RARB: variants seen among roughly 807,000 people sequenced by gnomAD.
RARB encodes the protein retinoic acid receptor beta.
A neutral mutation model predicts 51.9 loss-of-function variants in RARB; 17 were observed. That is an observed-to-expected ratio of 0.33 (90% CI 0.22 to 0.49). The LOEUF is 0.49. Ranked by LOEUF, RARB falls within the 20% of genes least tolerant of loss-of-function variation. The probability of loss-of-function intolerance (pLI) is 0.99; values close to 1 mark genes in which losing one functional copy is unlikely to be tolerated. For missense variants in RARB, 369 were observed against 550.8 expected (o/e 0.67, Z 3.30); for synonymous variants, 215 against 195.4 (o/e 1.10, Z -0.84).
At chr3:25,159,468 C>T (rs573446702) in intron 4 of RARB, among the ~76,000 whole-genome samples, 3 of 151,940 alleles carry the variant, frequency 2.0e-5, no homozygotes, top group Non-Finnish European at 2.9e-5. Context: ...CGTGAGCCAC[C>T]GTGCCCAACC....
chr3:25,094,069 G>A (rs187528836), intron 3 of RARB, among the ~76,000 whole-genome samples: 68 of 152,304 alleles, frequency 4.5e-4, no homozygotes, highest in African/African-American at 1.5e-3. Flanking sequence ...TCCAGACCCA[G>A]AGAAAATGAT....
At position 25,422,400 on chromosome 3, in the gene RARB, G is replaced by C. The variant is rs144568106; in HGVS notation, c.179-38793G>C. Among the ~76,000 whole-genome samples the C allele has an allele frequency of 9.9e-3, 1,514 of 152,286 alleles. 60 individuals are homozygous for C. The highest frequency in any genetic ancestry group is 0.075 in the East Asian group (386 of 5,174). ...AATTCACGTGGAATAGCATAGGGAA[G>C]TCACAGGCAAGCTGCAGCATGGTAG... is the stretch of plus-strand genomic sequence containing the variant. On this transcript the variant is annotated intron_variant, in intron 5 of 11. Transcript: ENST00000383772.
intron 4 of RARB, among the ~76,000 whole-genome samples, chr3:25,164,901 A>G (rs1041079829): frequency 6.6e-5 from 10 of 152,276 alleles, no homozygotes; most frequent in Admixed American, 3.3e-4. Context: ...TCATTCATGA[A>G]TGAACACTTC....
chr3:25,196,283 A>G lies in RARB; in HGVS notation c.178+21708A>G, dbSNP rs564396020. Among the ~76,000 whole-genome samples the G allele has an allele frequency of 3.2e-3, 488 of 150,742 alleles. 4 individuals are homozygous for G. The highest frequency in any genetic ancestry group is 0.011 in the African/African-American group (457 of 41,016). Reference sequence around the variant, plus strand: ...CCCCTTCCTGTGTCCAAGTGTTCTCATGGTTCAGTTCCCACCTATGAGTGA... The same window carrying G: ...CCCCTTCCTGTGTCCAAGTGTTCTCGTGGTTCAGTTCCCACCTATGAGTGA... On this transcript the variant is annotated intron_variant, in intron 5 of 11. Coordinates refer to the RARB transcript ENST00000383772.
chr3:25,540,633 C>A (rs998505608), intron 3 of RARB, among the ~76,000 whole-genome samples: 1 of 152,172 alleles, frequency 6.6e-6, no homozygotes, highest in Non-Finnish European at 1.5e-5. Flanking sequence ...ATGGTCACAG[C>A]GTCCTATAAC....
At chr3:25,173,547 C>G (rs1398953280) in intron 4 of RARB, among the ~76,000 whole-genome samples, 2 of 152,122 alleles carry the variant, frequency 1.3e-5, no homozygotes, top group Non-Finnish European at 2.9e-5. Context: ...ATTATCTTGG[C>G]TATGTCACTC....
At chr3:25,240,357 G>A (rs1029957865) in intron 5 of RARB, among the ~76,000 whole-genome samples, 3 of 152,040 alleles carry the variant, frequency 2.0e-5, no homozygotes, top group African/African-American at 7.2e-5. Flanking sequence ...AGGACTTCCA[G>A]TACTATGTTG....
chr3:25,000,352 T>C (rs1248538574), intron 2 of RARB, among the ~76,000 whole-genome samples: 1 of 152,174 alleles, frequency 6.6e-6, no homozygotes, highest in Admixed American at 6.5e-5. Flanking sequence ...AGTAATACCA[T>C]GACCACTACC....
intron 1 of RARB, among the ~76,000 whole-genome samples, chr3:24,843,531 C>G (rs747822136): frequency 6.6e-6 from 1 of 152,068 alleles, no homozygotes; most frequent in Admixed American, 6.6e-5. Context: ...AAGTGAGTTC[C>G]ACACACTCAT....
At chr3:24,986,526 G>A (rs1275222070) in intron 2 of RARB, among the ~76,000 whole-genome samples, 1 of 152,160 alleles carries the variant, frequency 6.6e-6, no homozygotes, top group Admixed American at 6.5e-5. Context: ...AATGGGTTTT[G>A]TGGTTTTAGT....
intron 5 of RARB, among the ~76,000 whole-genome samples, chr3:25,387,796 G>T (rs992171464): frequency 6.6e-6 from 1 of 151,202 alleles, no homozygotes; most frequent in East Asian, 1.9e-4. Flanking sequence ...AGCAGCTTTT[G>T]TGTTTTATGT....
intron 3 of RARB, among the ~76,000 whole-genome samples, chr3:25,523,379 A>G (rs1575485344): frequency 6.6e-6 from 1 of 152,214 alleles, no homozygotes; most frequent in African/African-American, 2.4e-5. Context: ...TATCACCTCC[A>G]GGTAGTTTGA....
At chr3:24,945,678 G>A (rs891834509) in intron 2 of RARB, among the ~76,000 whole-genome samples, 2 of 152,186 alleles carry the variant, frequency 1.3e-5, no homozygotes, top group Non-Finnish European at 2.9e-5. Context: ...AATTCCCTTG[G>A]CACATTTGAT....
At chr3:25,011,459 T>C (rs1275989211) in intron 2 of RARB, among the ~76,000 whole-genome samples, 10 of 152,094 alleles carry the variant, frequency 6.6e-5, no homozygotes, top group African/African-American at 2.2e-4. Flanking sequence ...TGTTGGCAGA[T>C]TTTTCCATCG....
intron 5 of RARB, among the ~76,000 whole-genome samples, chr3:25,293,597 T>TAGAAAAAAAAAAAAAA (rs1703841243): frequency 1.5e-5 from 1 of 68,660 alleles, no homozygotes; most frequent in Non-Finnish European, 3.1e-5. Flanking sequence ...TTACTCCATT[T>TAGAAAAAAAAAAAAAA]AAAAAAAAAA....
chr3:24,884,796 G>T (rs1703238166), intron 2 of RARB, among the ~76,000 whole-genome samples: 1 of 152,104 alleles, frequency 6.6e-6, no homozygotes, highest in South Asian at 2.1e-4. Context: ...TTGAAAAGTA[G>T]ATGAGATACA....
chr3:25,365,686 C>T (rs1354942670), intron 5 of RARB, among the ~76,000 whole-genome samples: 1 of 152,162 alleles, frequency 6.6e-6, no homozygotes. Context: ...ATTTTCGTGT[C>T]TGTTATCTGG....
intron 3 of RARB, among the ~76,000 whole-genome samples, chr3:25,065,782 G>T (rs1281553514): frequency 6.6e-6 from 1 of 152,054 alleles, no homozygotes; most frequent in Non-Finnish European, 1.5e-5. Context: ...GATGTCAAAG[G>T]GCTCACGCAT....
At chr3:25,341,850 G>GGAAA (rs1355627820) in intron 5 of RARB, among the ~76,000 whole-genome samples, 1 of 152,024 alleles carries the variant, frequency 6.6e-6, no homozygotes. Flanking sequence ...TTGAGCCTTG[G>GGAAA]GAAAGCTTTT....
Sources: gnomAD v4.1 joint callset for allele counts (sites outside exome capture counted in the v4.1 genomes callset) on GRCh38, gnomAD v4.1.1 for gene constraint, MANE v1.5 for transcripts, NCBI Gene and HGNC (gene_info 2026-07-23, HGNC 2026-07-21) for gene names.